EVL: variants seen among roughly 807,000 people sequenced by gnomAD.
EVL encodes ena/VASP-like protein.
EVL carries 21 observed loss-of-function variants against 59.6 expected under a neutral mutation model. The ratio of observed to expected loss-of-function variants is 0.35; its 90% CI spans 0.25 to 0.51. The LOEUF (loss-of-function observed/expected upper bound fraction) is 0.51. Ranked by LOEUF, EVL falls within the 20% of genes least tolerant of loss-of-function variation. The pLI is 0.97. For missense variants in EVL, 462 were observed against 546.6 expected (o/e 0.85, Z 1.54); for synonymous variants, 198 against 203.5 (o/e 0.97, Z 0.23).
chr14:100,097,560 G>A lies in EVL; in HGVS notation c.260G>A (p.Arg87His), dbSNP rs749877974. 6 of 1,614,136 alleles carry A rather than the reference G, an allele frequency of 3.7e-6. No homozygotes were observed. Among genetic ancestry groups the A allele is most frequent in the African/African-American group, 1.3e-5 (1 of 75,046 alleles). Residue 87 changes from arginine to histidine, a missense_variant, in exon 3 of 14, where the codon CGC (arginine) becomes CAC (histidine). By Grantham distance (29) the Arg-to-His change is conservative. Transcript: ENST00000392920. ...ACCTTCCACCAGTGGCGAGATGCCC[G>A]CCAGGTCTACGGCTTAAACTTTGCA... ...TPTFHQWRDA[R>H]QVYGLNFASK...
At chr14:100,028,008 G>C (rs978755198) in intron 1 of EVL, among the ~76,000 whole-genome samples, 34 of 152,100 alleles carry the variant, frequency 2.2e-4, no homozygotes, top group African/African-American at 8.0e-4. Flanking sequence ...GACTAATGCT[G>C]CAGTAAGCTT....
chr14:100,025,289 G>T (rs2061192007), intron 1 of EVL, among the ~76,000 whole-genome samples: 1 of 151,928 alleles, frequency 6.6e-6, no homozygotes, highest in African/African-American at 2.4e-5. Flanking sequence ...ACAGCACCCT[G>T]TCTCCTCCAC....
At chr14:100,005,125 C>T (rs2060970313) in intron 1 of EVL, among the ~76,000 whole-genome samples, 1 of 152,198 alleles carries the variant, frequency 6.6e-6, no homozygotes, top group African/African-American at 2.4e-5. Flanking sequence ...GATCTGACCG[C>T]CTCCATCTTG....
intron 1 of EVL, among the ~76,000 whole-genome samples, chr14:100,051,387 C>T (rs1450042423): frequency 2.0e-5 from 3 of 152,200 alleles, no homozygotes; most frequent in Non-Finnish European, 4.4e-5. Context: ...CAGGCATCCA[C>T]TGGGGGCCTT....
intron 1 of EVL, among the ~76,000 whole-genome samples, chr14:99,979,242 C>A (rs999953798): frequency 4.0e-5 from 6 of 150,784 alleles, no homozygotes; most frequent in African/African-American, 7.4e-5. Flanking sequence ...AAAAAAAAAA[C>A]AACAACAAAA....
chr14:99,995,318 CT>C (rs2060906026), intron 1 of EVL, among the ~76,000 whole-genome samples: 1 of 152,122 alleles, frequency 6.6e-6, no homozygotes, highest in African/African-American at 2.4e-5. Flanking sequence ...CTTCACCTTT[CT>C]TTATTCTTTT....
At chr14:100,137,860 C>G in intron 11 of EVL, 58 bp downstream of exon 11, 1 of 1,503,794 alleles carries the variant, frequency 6.6e-7, no homozygotes, top group Non-Finnish European at 9.3e-7. Context: ...CTCTGTCCCC[C>G]GTCCCGTGAC....
At chr14:100,042,708 A>T (rs2061485338) in intron 1 of EVL, among the ~76,000 whole-genome samples, 2 of 152,214 alleles carry the variant, frequency 1.3e-5, no homozygotes, top group Admixed American at 1.3e-4. Context: ...CATTCTCCTG[A>T]AAAAGTATAA....
chr14:100,088,596 T>C (rs1334699746), intron 2 of EVL, among the ~76,000 whole-genome samples: 2 of 152,294 alleles, frequency 1.3e-5, no homozygotes, highest in Admixed American at 6.5e-5. Context: ...TGTATAAATA[T>C]ACGTGAGCAT....
chr14:100,139,182 A>G (rs1595258722), intron 11 of EVL: 1 of 152,168 alleles, frequency 6.6e-6, no homozygotes, highest in Non-Finnish European at 1.5e-5. Context: ...CTCCCAGCGG[A>G]CTCCGCCACG....
At chr14:100,132,814 C>T (rs781773119) in intron 8 of EVL, 35 bp downstream of exon 8, 5 of 1,610,998 alleles carry the variant, frequency 3.1e-6, no homozygotes, top group Non-Finnish European at 4.2e-6. Flanking sequence ...TCAGGCTCCC[C>T]ACTGAGATGA....
intron 1 of EVL, among the ~76,000 whole-genome samples, chr14:99,994,934 C>G (rs1037701052): frequency 6.6e-6 from 1 of 152,152 alleles, no homozygotes; most frequent in African/African-American, 2.4e-5. Flanking sequence ...TCTTATTTGA[C>G]AGTTATTTTT....
intron 1 of EVL, among the ~76,000 whole-genome samples, chr14:100,014,177 T>G (rs2061035489): frequency 6.6e-6 from 1 of 152,228 alleles, no homozygotes; most frequent in Non-Finnish European, 1.5e-5. Context: ...ATCAGTCCCC[T>G]GCCCATTGGT....
In EVL at chr14:100,108,236, C is replaced by CT. The variant is rs1447705941; in HGVS notation, c.358+10581dup. 6.6e-6 allele frequency: 1 copy of CT among 152,162 alleles called. No homozygotes were observed. Among genetic ancestry groups the CT allele is most frequent in the African/African-American group, 2.4e-5 (1 of 41,430 alleles). 9.4% of individuals were successfully genotyped at this position (152,162 alleles called of 1,614,324 possible). Reference sequence around the variant, plus strand: ...AGAGTCAGGCCCAGCTCCATGTGCTCTTTGGAGGGGAGTGGAAGGTTGTTA... The same window carrying CT: ...AGAGTCAGGCCCAGCTCCATGTGCTCTTTTGGAGGGGAGTGGAAGGTTGTTA... On this transcript the variant is annotated intron_variant, in intron 3 of 13. Coordinates refer to ENST00000392920, the MANE Select transcript of EVL (RefSeq NM_016337.3). The surrounding 1 kb of genome is among the most constrained non-coding windows in gnomAD (Gnocchi z 4.1).
chr14:100,109,549 A>G lies in EVL; in HGVS notation c.358+11891A>G, dbSNP rs1310569599. The G allele has an allele frequency of 6.3e-6, 3 of 473,160 alleles. No individual in the cohort carries two copies. The highest frequency in any genetic ancestry group is 1.3e-5 in the Non-Finnish European group (3 of 227,610). 29.3% of individuals were successfully genotyped at this position (473,160 alleles called of 1,614,324 possible). A position where few individuals can be genotyped will look rare whatever the true frequency, so the allele number is the denominator to read the frequency against. On this transcript the variant is annotated intron_variant, in intron 3 of 13. Transcript: ENST00000392920. This position sits in a 1 kb window ranked among gnomAD's most constrained non-coding sequence, Gnocchi z 4.3. ...CTGAACAAGCTCCCAGCTTGCGCCC[A>G]TGTCATATTGTGTGCCTCTCATAGC...
chr14:100,129,425 A>T, intron 6 of EVL, 138 bp from the exon 7 acceptor site: 1 of 1,229,388 alleles, frequency 8.1e-7, no homozygotes, highest in Non-Finnish European at 1.1e-6. Flanking sequence ...ATAATGGACC[A>T]GATGGCCCCT....
chr14:100,141,442 G>A lies in EVL; in HGVS notation c.1161+196G>A, dbSNP rs534254733. 2.8e-3 allele frequency among the ~76,000 whole-genome samples: 429 copies of A among 152,324 alleles called. 3 individuals are homozygous for A. The highest frequency in any genetic ancestry group is 0.01 in the African/African-American group (426 of 41,578). ...CCAGCCCCTGCCATCACCAGAACTAGGATGTCCCTCAACCTTTCTGGGCAC... is the reference window on the plus strand; with the variant it reads ...CCAGCCCCTGCCATCACCAGAACTAAGATGTCCCTCAACCTTTCTGGGCAC... On this transcript the variant is annotated intron_variant, in intron 12 of 13. Coordinates refer to ENST00000392920, the MANE Select transcript of EVL (RefSeq NM_016337.3).
intron 1 of EVL, among the ~76,000 whole-genome samples, chr14:100,045,810 G>C (rs989954425): frequency 6.6e-6 from 1 of 152,200 alleles, no homozygotes; most frequent in East Asian, 1.9e-4. Context: ...TGCCTAATGG[G>C]CAGAATGAAT....
intron 1 of EVL, among the ~76,000 whole-genome samples, chr14:100,038,461 G>T (rs1362348579): frequency 6.6e-6 from 1 of 152,174 alleles, no homozygotes; most frequent in Non-Finnish European, 1.5e-5. Flanking sequence ...CCTCCTCTCG[G>T]TTTTGAAGCC....
Sources: gnomAD v4.1 joint callset for allele counts (sites outside exome capture counted in the v4.1 genomes callset) on GRCh38, gnomAD v4.1.1 for gene constraint, Gnocchi (gnomAD v3.1) non-coding constraint, MANE v1.5 for transcripts, NCBI Gene and HGNC (gene_info 2026-07-23, HGNC 2026-07-21) for gene names.